MEGF11: variants seen among roughly 807,000 people sequenced by gnomAD.
MEGF11 encodes multiple epidermal growth factor-like domains protein 11.
Under a neutral mutation model 146.6 loss-of-function variants are expected in MEGF11, and 126 were observed. The observed-to-expected ratio is 0.86, with a 90% confidence interval of 0.74 to 1.00. The LOEUF is 1.00. Among genes scored for constraint, MEGF11 ranks in the 50% least tolerant of loss-of-function variants. The pLI is 0.00. For synonymous variants in MEGF11, 532 were observed against 583.4 expected (o/e 0.91, Z 1.27); for missense variants, 1,509 against 1,521.2 (o/e 0.99, Z 0.13).
chr15:65,923,112 C>T, intron 13 of MEGF11, 143 bp from the exon 14 acceptor site: 3 of 874,686 alleles, frequency 3.4e-6, no homozygotes, highest in Non-Finnish European at 5.0e-6. Context: ...CCGGCTGAGG[C>T]TTGGCTGGTC....
At chr15:66,095,104 T>C (rs1210740194) in intron 4 of MEGF11, among the ~76,000 whole-genome samples, 2 of 152,248 alleles carry the variant, frequency 1.3e-5, no homozygotes, top group East Asian at 3.8e-4. Context: ...ATGATAATTG[T>C]AATTAGAAAG....
At chr15:66,168,074 G>A (rs770635913) in intron 1 of MEGF11, among the ~76,000 whole-genome samples, 8 of 152,130 alleles carry the variant, frequency 5.3e-5, no homozygotes, top group Non-Finnish European at 7.4e-5. Context: ...GCTTATACGC[G>A]ATTCCTCCTA....
chr15:66,023,025 T>C (rs1156429321), intron 5 of MEGF11, among the ~76,000 whole-genome samples: 1 of 150,664 alleles, frequency 6.6e-6, no homozygotes, highest in African/African-American at 2.5e-5. Flanking sequence ...TGGTGGTGGA[T>C]ACCTGTAATC....
chr15:66,184,915 G>T (rs914231155), intron 1 of MEGF11, among the ~76,000 whole-genome samples: 1 of 151,780 alleles, frequency 6.6e-6, no homozygotes, highest in Non-Finnish European at 1.5e-5. Context: ...TTTGCTTTAC[G>T]TGTTCCTAGA....
intron 5 of MEGF11, among the ~76,000 whole-genome samples, chr15:66,079,535 A>T (rs1236182411): frequency 2.2e-5 from 1 of 46,088 alleles, no homozygotes; most frequent in Non-Finnish European, 4.6e-5. Context: ...ACCTTCATTC[A>T]CACCCCCCCC....
chr15:66,105,222 C>A (rs2087010368), intron 4 of MEGF11, among the ~76,000 whole-genome samples: 1 of 152,166 alleles, frequency 6.6e-6, no homozygotes. Flanking sequence ...AGTGCTTGCA[C>A]CTGCTCCTTG....
intron 7 of MEGF11, among the ~76,000 whole-genome samples, chr15:65,973,934 G>A (rs1201763872): frequency 6.6e-6 from 1 of 152,114 alleles, no homozygotes; most frequent in Non-Finnish European, 1.5e-5. Flanking sequence ...TTAGCCTTGT[G>A]GTATTATATA....
At chr15:66,241,628 A>G (rs1459741117) in intron 1 of MEGF11, among the ~76,000 whole-genome samples, 1 of 152,162 alleles carries the variant, frequency 6.6e-6, no homozygotes, top group Non-Finnish European at 1.5e-5. Context: ...GGAGGACACC[A>G]TAGGGACCTT....
chr15:66,131,651 C>T (rs1280028073), intron 1 of MEGF11, among the ~76,000 whole-genome samples: 1 of 152,224 alleles, frequency 6.6e-6, no homozygotes. Context: ...CTGTGGAACA[C>T]TAGTCCCATG....
chr15:66,233,722 C>T (rs1386228010), intron 1 of MEGF11, among the ~76,000 whole-genome samples: 1 of 152,164 alleles, frequency 6.6e-6, no homozygotes, highest in Non-Finnish European at 1.5e-5. Flanking sequence ...GGAAGCATGA[C>T]CCAGTGAATC....
intron 13 of MEGF11, among the ~76,000 whole-genome samples, chr15:65,924,875 C>T (rs921556657): frequency 6.6e-5 from 10 of 152,100 alleles, no homozygotes; most frequent in Admixed American, 2.0e-4. Context: ...GTGATCCGCC[C>T]GCCTCAGCCT....
At chr15:65,966,296 G>T (rs550636346) in intron 8 of MEGF11, among the ~76,000 whole-genome samples, 2 of 152,272 alleles carry the variant, frequency 1.3e-5, no homozygotes, top group South Asian at 2.1e-4. Flanking sequence ...GTTTTTAAAA[G>T]ATATTTTTAT....
At chr15:66,137,559 C>CTTTT (rs10647289) in intron 1 of MEGF11, among the ~76,000 whole-genome samples, 8 of 142,152 alleles carry the variant, frequency 5.6e-5, no homozygotes, top group East Asian at 2.1e-4. Context: ...GACTTTCTTT[C>CTTTT]TTTTTTTTTT....
chr15:65,914,164 C>T, intron 19 of MEGF11, 191 bp from the exon 20 acceptor site: 1 of 590,720 alleles, frequency 1.7e-6, no homozygotes, highest in Non-Finnish European at 3.0e-6. Context: ...GATGGAGTCT[C>T]AGGGTCATGA....
At position 65,916,936 on chromosome 15, in the gene MEGF11, C is replaced by T; in HGVS notation, c.2107G>A (p.Gly703Ser). 3 of 1,530,042 alleles carry T rather than the reference C, an allele frequency of 2.0e-6. No individual in the cohort carries two copies. Among genetic ancestry groups the T allele is most frequent in the Non-Finnish European group, 2.6e-6 (3 of 1,135,878 alleles). The allele number at this position is 1,530,042 out of a possible 1,614,324, so 94.8% of individuals were successfully genotyped here. A position where few individuals can be genotyped will look rare whatever the true frequency, so the allele number is the denominator to read the frequency against. ...CTGCATGCGTGGAAGCAGGCGGGGCCCCAGAACCCGGGTGGGCAAGCTGGG... is the reference window on the plus strand; with the variant it reads ...CTGCATGCGTGGAAGCAGGCGGGGCTCCAGAACCCGGGTGGGCAAGCTGGG... The part of the protein sequence containing the change: ...CSQACPPGFW[G>S]PACFHACSCH... The change falls in exon 17 of 26, where the codon GGC becomes AGC. Residue 703 changes from glycine (G) to serine (S), a missense_variant. Gly to Ser is a moderately conservative substitution (Grantham distance 56, BLOSUM62 0). Coordinates refer to ENST00000395614, the MANE Select transcript of MEGF11 (RefSeq NM_001385028.1).
chr15:66,004,805 A>G (rs1259793551), intron 5 of MEGF11, among the ~76,000 whole-genome samples: 2 of 152,050 alleles, frequency 1.3e-5, no homozygotes, highest in South Asian at 4.2e-4. Flanking sequence ...GCCTCACAAC[A>G]CCCAGGGCTA....
At chr15:65,998,561 G>A (rs1189515041) in intron 5 of MEGF11, among the ~76,000 whole-genome samples, 1 of 152,086 alleles carries the variant, frequency 6.6e-6, no homozygotes, top group Non-Finnish European at 1.5e-5. Context: ...TATGTCTCTG[G>A]GTGCCAAGCA....
chr15:66,170,631 T>C (rs1295612429), intron 1 of MEGF11, among the ~76,000 whole-genome samples: 1 of 152,198 alleles, frequency 6.6e-6, no homozygotes, highest in Non-Finnish European at 1.5e-5. Flanking sequence ...CAGTAGTTTG[T>C]GATGTTCTAT....
At chr15:66,041,193 A>G (rs1480339930) in intron 5 of MEGF11, among the ~76,000 whole-genome samples, 1 of 152,198 alleles carries the variant, frequency 6.6e-6, no homozygotes, top group Non-Finnish European at 1.5e-5. Flanking sequence ...CTTCCTGTCT[A>G]AGCTGGATAC....
Sources: gnomAD v4.1 joint callset for allele counts (sites outside exome capture counted in the v4.1 genomes callset) on GRCh38, gnomAD v4.1.1 for gene constraint, MANE v1.5 for transcripts, NCBI Gene and HGNC (gene_info 2026-07-23, HGNC 2026-07-21) for gene names.